The following BRINP1 variants were observed in gnomAD, a reference collection of about 807,000 sequenced individuals.
The protein encoded by BRINP1 is BMP/retinoic acid inducible neural specific 1.
Under a neutral mutation model 72.9 loss-of-function variants are expected in BRINP1, and 17 were observed. The observed-to-expected ratio is 0.23, with a 90% CI of 0.16 to 0.35. The LOEUF is 0.35. BRINP1 is among the 10% of genes least tolerant of loss of function. BRINP1 has a pLI of 1.00. For missense variants in BRINP1, 850 were observed against 1,001.6 expected (o/e 0.85, Z 2.04); for synonymous variants, 418 against 378.5 (o/e 1.10, Z -1.21).
intron 1 of BRINP1, among the ~76,000 whole-genome samples, chr9:119,357,906 C>T (rs1478428077): frequency 1.3e-5 from 2 of 152,160 alleles, no homozygotes; most frequent in African/African-American, 4.8e-5. Context: ...ATCCACAATG[C>T]CTTCAGCTGG....
At chr9:119,215,776 T>C (rs1160787873) in intron 5 of BRINP1, among the ~76,000 whole-genome samples, 1 of 152,230 alleles carries the variant, frequency 6.6e-6, no homozygotes, top group Non-Finnish European at 1.5e-5. Context: ...GCATGCCTTA[T>C]GGCAGGACAC....
chr9:119,348,668 T>G (rs1464169184), intron 1 of BRINP1, among the ~76,000 whole-genome samples: 1 of 152,198 alleles, frequency 6.6e-6, no homozygotes, highest in Non-Finnish European at 1.5e-5. Context: ...ATTCTCTCTT[T>G]GAAGAATCTC....
chr9:119,209,080 G>A (rs1753077199), intron 6 of BRINP1, 139 bp from the exon 7 acceptor site: 6 of 659,808 alleles, frequency 9.1e-6, no homozygotes, highest in South Asian at 7.6e-5. Flanking sequence ...ATAGAACATT[G>A]CATTAGTCTG....
At chr9:119,340,375 A>C (rs577881786) in intron 1 of BRINP1, among the ~76,000 whole-genome samples, 7 of 152,166 alleles carry the variant, frequency 4.6e-5, no homozygotes, top group African/African-American at 1.7e-4. Context: ...AAAATCCATG[A>C]GTAGAGTCTC....
chr9:119,239,361 G>A (rs781706423), intron 4 of BRINP1, among the ~76,000 whole-genome samples: 1 of 152,220 alleles, frequency 6.6e-6, no homozygotes, highest in Non-Finnish European at 1.5e-5. Context: ...AAGAAGCATT[G>A]TGCTGCCACA....
chr9:119,172,388 G>A (rs1424669328), intron 7 of BRINP1, among the ~76,000 whole-genome samples: 1 of 152,158 alleles, frequency 6.6e-6, no homozygotes, highest in African/African-American at 2.4e-5. Context: ...TAGAAGAAAT[G>A]GATAAATTCC....
chr9:119,284,288 C>G (rs1178395269), intron 2 of BRINP1, among the ~76,000 whole-genome samples: 1 of 152,214 alleles, frequency 6.6e-6, no homozygotes, highest in East Asian at 1.9e-4. Context: ...ATTTCACACT[C>G]AGAGCCAGAA....
intron 5 of BRINP1, among the ~76,000 whole-genome samples, chr9:119,218,884 T>A (rs1009412211): frequency 6.6e-6 from 1 of 151,846 alleles, no homozygotes; most frequent in African/African-American, 2.4e-5. Flanking sequence ...CCTGCATACA[T>A]ACATTCATAT....
At chr9:119,309,929 T>C (rs1831043569) in intron 2 of BRINP1, among the ~76,000 whole-genome samples, 1 of 152,068 alleles carries the variant, frequency 6.6e-6, no homozygotes, top group Admixed American at 6.6e-5. Flanking sequence ...TCTAAAACAA[T>C]AAATGTATGA....
chr9:119,169,409 T>C (rs1323171236), intron 7 of BRINP1, among the ~76,000 whole-genome samples: 1 of 152,142 alleles, frequency 6.6e-6, no homozygotes, highest in Non-Finnish European at 1.5e-5. Flanking sequence ...CACCGAATAC[T>C]GTGCTTTTCC....
chr9:119,172,797 T>C (rs184146903), intron 7 of BRINP1, among the ~76,000 whole-genome samples: 21 of 152,212 alleles, frequency 1.4e-4, no homozygotes, highest in Admixed American at 1.2e-3. Flanking sequence ...TCAAGTGGGC[T>C]TCATCCCTCA....
chr9:119,276,698 C>T (rs926632105), intron 2 of BRINP1, among the ~76,000 whole-genome samples: 1 of 152,146 alleles, frequency 6.6e-6, no homozygotes, highest in African/African-American at 2.4e-5. Flanking sequence ...AGGGTAGATA[C>T]TGAGAGATGG....
intron 7 of BRINP1, among the ~76,000 whole-genome samples, chr9:119,172,297 A>C (rs1378483748): frequency 1.3e-5 from 2 of 152,158 alleles, no homozygotes; most frequent in Non-Finnish European, 2.9e-5. Flanking sequence ...GATAAAGGGG[A>C]TATCACCACC....
At chr9:119,254,662 T>C (rs891472490) in intron 2 of BRINP1, among the ~76,000 whole-genome samples, 1 of 152,228 alleles carries the variant, frequency 6.6e-6, no homozygotes, top group African/African-American at 2.4e-5. Flanking sequence ...GTCTACCTAA[T>C]CTGATTTACG....
intron 5 of BRINP1, among the ~76,000 whole-genome samples, chr9:119,220,388 T>A (rs1830028048): frequency 6.6e-6 from 1 of 152,110 alleles, no homozygotes; most frequent in Non-Finnish European, 1.5e-5. Context: ...AAAAGATAAC[T>A]GGGAAAGAAG....
intron 1 of BRINP1, among the ~76,000 whole-genome samples, chr9:119,345,204 A>C (rs1380428638): frequency 1.3e-5 from 2 of 152,178 alleles, no homozygotes. Context: ...ATTTGATAAC[A>C]ATTCCAGACC....
At chr9:119,203,864 C>T (rs1340328140) in intron 7 of BRINP1, among the ~76,000 whole-genome samples, 5 of 152,076 alleles carry the variant, frequency 3.3e-5, no homozygotes, top group Non-Finnish European at 7.4e-5. Flanking sequence ...GCTATTGTAC[C>T]TCATCTCCAA....
At position 119,328,922 on chromosome 9, in the gene BRINP1, G is replaced by C. The variant is rs536896262; in HGVS notation, c.-50-15517C>G. 3.8e-4 allele frequency among the ~76,000 whole-genome samples: 58 copies of C among 152,250 alleles called. 1 individual carries two copies. Among genetic ancestry groups the C allele is most frequent in the African/African-American group, 1.3e-3 (55 of 41,554 alleles). On this transcript the variant is annotated intron_variant, in intron 1 of 7. Transcript: ENST00000265922. ...CAAGAGAAAGTTTTCCAGGTCATGA[G>C]AGCAGTGTGAGCAAAAGCATGGAAT...
intron 2 of BRINP1, among the ~76,000 whole-genome samples, chr9:119,278,538 T>G (rs1830677857): frequency 6.6e-6 from 1 of 152,236 alleles, no homozygotes; most frequent in South Asian, 2.1e-4. Context: ...AACTAAGGGA[T>G]GCCCTGTAAG....
Sources: allele counts gnomAD v4.1 joint callset (sites outside exome capture counted in the v4.1 genomes callset), GRCh38; gene constraint gnomAD v4.1.1; transcripts MANE v1.5; gene names NCBI Gene and HGNC (gene_info 2026-07-23, HGNC 2026-07-21).